Variants in SLCO4C1 observed in about 807,000 individuals in gnomAD.
SLCO4C1 encodes the protein organic anion transporter M1.
SLCO4C1 carries 58 observed loss-of-function variants against 72.1 expected under a neutral mutation model. That is an observed-to-expected ratio of 0.80 (90% CI 0.65 to 1.00). SLCO4C1 has a LOEUF of 1.00. Among genes scored for constraint, SLCO4C1 ranks in the 50% least tolerant of loss-of-function variants. SLCO4C1 has a pLI of 0.00. For synonymous variants in SLCO4C1, 297 were observed against 312.5 expected (o/e 0.95, Z 0.52); for missense variants, 898 against 857.9 (o/e 1.05, Z -0.58).
chr5:102,236,789 A>G lies in SLCO4C1; in HGVS notation c.*69T>C. On this transcript the variant is annotated 3_prime_UTR_variant, in exon 13 of 13. Transcript: ENST00000310954. ...TCCATATTGGATAGATAATCCTGCC[A>G]TGGCAATGTGTGTTCTTAAAAATCG... 6 of 1,448,880 alleles carry G rather than the reference A, an allele frequency of 4.1e-6. No individual in the cohort carries two copies. The highest frequency in any genetic ancestry group is 1.2e-5 in the South Asian group (1 of 80,284). The allele number at this position is 1,448,880 out of a possible 1,614,324, so 89.8% of individuals were successfully genotyped here.
chr5:102,247,248 A>G lies in SLCO4C1; in HGVS notation c.1811+4T>C, dbSNP rs2112342595. On this transcript the variant is annotated splice_donor_region_variant and intron_variant, in intron 10 of 12. Transcript: ENST00000310954. ...GAATGAAAATTTCTCAACGTGCTACATACCTTAGGATAGACACAGTTATAG... is the reference window on the plus strand; with the variant it reads ...GAATGAAAATTTCTCAACGTGCTACGTACCTTAGGATAGACACAGTTATAG... 1.3e-6 allele frequency: 2 copies of G among 1,493,742 alleles called. No homozygotes were observed. The highest frequency in any genetic ancestry group is 9.0e-7 in the Non-Finnish European group (1 of 1,111,570). 92.5% of individuals were successfully genotyped at this position (1,493,742 alleles called of 1,614,324 possible).
intron 2 of SLCO4C1, among the ~76,000 whole-genome samples, chr5:102,286,196 G>C (rs566210612): frequency 6.6e-6 from 1 of 152,060 alleles, no homozygotes; most frequent in South Asian, 2.1e-4. Context: ...TATCATTTAA[G>C]GTTTCTTTGA....
chr5:102,292,071 C>T (rs1032566330), intron 1 of SLCO4C1, among the ~76,000 whole-genome samples: 5 of 152,072 alleles, frequency 3.3e-5, no homozygotes, highest in Admixed American at 6.6e-5. Flanking sequence ...GTGATCCACC[C>T]GCCTCGGACT....
chr5:102,249,524 C>T (rs576513723), intron 9 of SLCO4C1, 114 bp downstream of exon 9: 16 of 1,039,096 alleles, frequency 1.5e-5, no homozygotes, highest in South Asian at 1.3e-4. Flanking sequence ...GGCTGCTTAA[C>T]GGAGGCAATG....
chr5:102,295,032 C>G (rs1749622523), intron 1 of SLCO4C1, among the ~76,000 whole-genome samples: 1 of 152,214 alleles, frequency 6.6e-6, no homozygotes, highest in South Asian at 2.1e-4. Context: ...CTTGACTCCT[C>G]TCCACCTCTT....
intron 3 of SLCO4C1, among the ~76,000 whole-genome samples, chr5:102,268,255 G>A (rs547051280): frequency 6.6e-6 from 1 of 152,124 alleles, no homozygotes; most frequent in African/African-American, 2.4e-5. Flanking sequence ...ATTTATATAT[G>A]TGCATGCTCT....
rs1310849248 is a variant in SLCO4C1 at position 102,296,080 on chromosome 5, T to A, written c.183A>T (p.Pro61=). Residue 61 remains proline, a synonymous_variant, in exon 1 of 13, where the codon CCA becomes CCT. Transcript: ENST00000310954. ...CATTGGGAGGGGCTGAAGGCAGAGA[T>A]GGCTCTGGTGACTTCTGGGGCTCCT... ...KPQEPQKSPE[P]SLPSAPPNVS... 1.2e-6 allele frequency: 2 copies of A among 1,614,076 alleles called. No homozygotes were observed. The highest frequency in any genetic ancestry group is 4.5e-5 in the East Asian group (2 of 44,888).
chr5:102,285,666 G>A (rs1749438685), intron 2 of SLCO4C1, among the ~76,000 whole-genome samples: 1 of 152,116 alleles, frequency 6.6e-6, no homozygotes, highest in African/African-American at 2.4e-5. Context: ...TTTATCTAGA[G>A]CATTAACTAT....
chr5:102,240,703 A>G lies in SLCO4C1; in HGVS notation c.1876+15T>C, dbSNP rs1219443040. ...ATAGCCAACAGTTAGCAATGAATAA[A>G]GAAAAATGGCATACCTAATAATCGA... On this transcript the variant is annotated intron_variant, in intron 11 of 12. Coordinates refer to ENST00000310954, the MANE Select transcript of SLCO4C1 (RefSeq NM_180991.5). The G allele has an allele frequency of 1.9e-6, 3 of 1,605,558 alleles. No individual in the cohort carries two copies. The highest frequency in any genetic ancestry group is 2.7e-5 in the African/African-American group (2 of 74,620).
intron 10 of SLCO4C1, among the ~76,000 whole-genome samples, chr5:102,241,553 T>C (rs950359383): frequency 1.3e-5 from 2 of 151,954 alleles, no homozygotes; most frequent in African/African-American, 4.8e-5. Flanking sequence ...GGTAAAATAC[T>C]TGTACACTGA....
chr5:102,295,682 C>A (rs943557329), intron 1 of SLCO4C1, among the ~76,000 whole-genome samples: 2 of 152,224 alleles, frequency 1.3e-5, no homozygotes, highest in Admixed American at 6.5e-5. Context: ...GCTTGTATTG[C>A]AAGTTTGAAC....
At chr5:102,264,133 T>A (rs1209377238) in intron 3 of SLCO4C1, among the ~76,000 whole-genome samples, 1 of 152,096 alleles carries the variant, frequency 6.6e-6, no homozygotes, top group Non-Finnish European at 1.5e-5. Context: ...ATGCAAGCAA[T>A]GTGAAACAAG....
chr5:102,244,798 T>C (rs1255446710), intron 10 of SLCO4C1, among the ~76,000 whole-genome samples: 5 of 152,284 alleles, frequency 3.3e-5, no homozygotes, highest in East Asian at 3.9e-4. Flanking sequence ...CTGGTTAAAA[T>C]ATCCTTCAAA....
intron 3 of SLCO4C1, among the ~76,000 whole-genome samples, chr5:102,266,676 A>AG (rs1554058257): frequency 1.3e-5 from 2 of 151,784 alleles, no homozygotes; most frequent in African/African-American, 2.4e-5. Flanking sequence ...AGAAAAGAAA[A>AG]AAAACAGAAA....
At chr5:102,291,173 GTC>G (rs1749541257) in intron 2 of SLCO4C1, among the ~76,000 whole-genome samples, 168 bp downstream of exon 2, 1 of 152,176 alleles carries the variant, frequency 6.6e-6, no homozygotes, top group Admixed American at 6.5e-5. Flanking sequence ...ATAATGTACA[GTC>G]TCTCTAATCT....
At chr5:102,243,437 AGTG>A (rs1388276523) in intron 10 of SLCO4C1, among the ~76,000 whole-genome samples, 1 of 152,232 alleles carries the variant, frequency 6.6e-6, no homozygotes, top group Admixed American at 6.5e-5. Context: ...GTGCAATCAC[AGTG>A]GTGGTGGCCA....
At chr5:102,286,655 CT>C (rs1231909658) in intron 2 of SLCO4C1, among the ~76,000 whole-genome samples, 1 of 152,012 alleles carries the variant, frequency 6.6e-6, no homozygotes, top group East Asian at 1.9e-4. Flanking sequence ...AATACTACCT[CT>C]TTTTTTAGTC....
chr5:102,282,435 T>A (rs1021607573), intron 2 of SLCO4C1, among the ~76,000 whole-genome samples: 3 of 151,966 alleles, frequency 2.0e-5, no homozygotes, highest in African/African-American at 7.2e-5. Context: ...TCTTTCCACT[T>A]CTTAGTATTA....
intron 2 of SLCO4C1, among the ~76,000 whole-genome samples, chr5:102,277,671 T>C (rs114669227): frequency 0.011 from 1,688 of 152,068 alleles, 16 homozygotes; most frequent in Non-Finnish European, 0.019. Flanking sequence ...AGAGGTGAAC[T>C]TGGACTTCGA....
Sources: gnomAD v4.1 joint callset for allele counts (sites outside exome capture counted in the v4.1 genomes callset) on GRCh38, gnomAD v4.1.1 for gene constraint, MANE v1.5 for transcripts, NCBI Gene and HGNC (gene_info 2026-07-23, HGNC 2026-07-21) for gene names.